TBC1D22A: variants seen among roughly 807,000 people sequenced by gnomAD.
TBC1D22A encodes the protein TBC1 domain family member 22A, also known as putative GTPase activator.
TBC1D22A carries 38 observed loss-of-function variants against 60.2 expected under a neutral mutation model. The ratio of observed to expected loss-of-function variants is 0.63; its 90% confidence interval spans 0.49 to 0.83. The LOEUF is 0.83. Among genes scored for constraint, TBC1D22A ranks in the 40% least tolerant of loss-of-function variants. The probability of loss-of-function intolerance (pLI) is 0.00; values close to 1 mark genes in which losing one functional copy is unlikely to be tolerated. For missense variants in TBC1D22A, 628 were observed against 701.0 expected (o/e 0.90, Z 1.18); for synonymous variants, 302 against 281.7 (o/e 1.07, Z -0.72).
intron 12 of TBC1D22A, among the ~76,000 whole-genome samples, chr22:47,162,778 C>T (rs923588628): frequency 4.9e-4 from 70 of 143,438 alleles, no homozygotes; most frequent in Non-Finnish European, 9.4e-4. Flanking sequence ...ACTGCGGACC[C>T]AGTGCAGGGA....
intron 1 of TBC1D22A, among the ~76,000 whole-genome samples, chr22:46,782,614 C>T (rs1054975068): frequency 6.6e-6 from 1 of 152,220 alleles, no homozygotes; most frequent in Non-Finnish European, 1.5e-5. Flanking sequence ...CAGAGAGCAA[C>T]GCTGTACCTG....
At chr22:46,994,901 T>C (rs1489121861) in intron 9 of TBC1D22A, among the ~76,000 whole-genome samples, 3 of 152,238 alleles carry the variant, frequency 2.0e-5, no homozygotes, top group Non-Finnish European at 2.9e-5. Flanking sequence ...CCAAAGATGA[T>C]GACAGTCAAA....
chr22:47,064,261 T>C (rs7293054), intron 11 of TBC1D22A, among the ~76,000 whole-genome samples: 71,751 of 152,174 alleles, frequency 0.47, 17,621 homozygotes, highest in East Asian at 0.59. Context: ...AACAGGCCAG[T>C]GCAAGCTGCT....
At chr22:47,096,825 A>C (rs2065197497) in intron 11 of TBC1D22A, among the ~76,000 whole-genome samples, 1 of 152,210 alleles carries the variant, frequency 6.6e-6, no homozygotes, top group Non-Finnish European at 1.5e-5. Flanking sequence ...CTGTCTCAAA[A>C]AAAATAAAAA....
At chr22:47,038,334 G>A (rs570363090) in intron 11 of TBC1D22A, among the ~76,000 whole-genome samples, 5 of 152,174 alleles carry the variant, frequency 3.3e-5, no homozygotes, top group Non-Finnish European at 5.9e-5. Flanking sequence ...GCTGGGGGAC[G>A]GACGTTTCTG....
intron 10 of TBC1D22A, among the ~76,000 whole-genome samples, chr22:47,022,411 G>A (rs1158676608): frequency 1.3e-5 from 2 of 152,200 alleles, no homozygotes; most frequent in African/African-American, 4.8e-5. Context: ...GGTGTCAGGA[G>A]GCACCTGCAG....
At chr22:47,075,848 T>C (rs2064183885) in intron 11 of TBC1D22A, among the ~76,000 whole-genome samples, 1 of 151,846 alleles carries the variant, frequency 6.6e-6, no homozygotes, top group Non-Finnish European at 1.5e-5. Context: ...ATTTTATAAA[T>C]GGAAAGAAAT....
At chr22:46,835,740 A>G (rs941665598) in intron 4 of TBC1D22A, among the ~76,000 whole-genome samples, 1 of 152,170 alleles carries the variant, frequency 6.6e-6, no homozygotes, top group South Asian at 2.1e-4. Flanking sequence ...AGCCCATGGG[A>G]CCCCAAACAG....
At chr22:47,159,744 A>G (rs979446138) in intron 12 of TBC1D22A, among the ~76,000 whole-genome samples, 16 of 150,754 alleles carry the variant, frequency 1.1e-4, no homozygotes, top group Admixed American at 2.6e-4. Flanking sequence ...ACCATTCATC[A>G]TGTATACACA....
At chr22:46,862,852 G>C (rs1026304784) in intron 4 of TBC1D22A, among the ~76,000 whole-genome samples, 2 of 152,204 alleles carry the variant, frequency 1.3e-5, no homozygotes, top group Admixed American at 1.3e-4. Flanking sequence ...CAGGACTGGG[G>C]AGCATGGGAG....
At chr22:46,768,439 C>G (rs190147046) in intron 1 of TBC1D22A, among the ~76,000 whole-genome samples, 4 of 141,674 alleles carry the variant, frequency 2.8e-5, no homozygotes, top group African/African-American at 8.0e-5. Context: ...GAGCCAAGGT[C>G]GCGCCACCGC....
At chr22:47,120,008 TATAAA>T (rs1485945957) in intron 12 of TBC1D22A, among the ~76,000 whole-genome samples, 1 of 152,116 alleles carries the variant, frequency 6.6e-6, no homozygotes, top group African/African-American at 2.4e-5. Context: ...TCATCAATAT[TATAAA>T]ATAAAAAATA....
intron 8 of TBC1D22A, among the ~76,000 whole-genome samples, chr22:46,941,863 AAT>A (rs1320766179): frequency 6.8e-6 from 1 of 147,314 alleles, no homozygotes; most frequent in African/African-American, 2.5e-5. Context: ...ATATGTATAG[AAT>A]ATATGTGTAT....
chr22:47,003,002 A>T (rs1057055277), intron 10 of TBC1D22A, among the ~76,000 whole-genome samples: 3 of 152,144 alleles, frequency 2.0e-5, no homozygotes, highest in African/African-American at 7.2e-5. Flanking sequence ...TTCTCCTGCA[A>T]ACTGTGCCTT....
At chr22:47,108,237 A>G (rs2065709363) in intron 11 of TBC1D22A, among the ~76,000 whole-genome samples, 1 of 152,260 alleles carries the variant, frequency 6.6e-6, no homozygotes, top group African/African-American at 2.4e-5. Context: ...ATGTCCATTC[A>G]AAGATGAGTA....
At chr22:46,919,135 C>G (rs1167202758) in intron 8 of TBC1D22A, among the ~76,000 whole-genome samples, 1 of 152,238 alleles carries the variant, frequency 6.6e-6, no homozygotes, top group East Asian at 1.9e-4. Flanking sequence ...ATCCTATACT[C>G]ATTGGCAGTC....
At chr22:46,897,647 TTTGTG>T (rs796073158) in intron 7 of TBC1D22A, among the ~76,000 whole-genome samples, 3,636 of 111,490 alleles carry the variant, frequency 0.033, 161 homozygotes, top group African/African-American at 0.087. Flanking sequence ...TTTGTTTTTT[TTTGTG>T]TTTTTTTTTT....
intron 12 of TBC1D22A, among the ~76,000 whole-genome samples, chr22:47,158,557 G>A (rs1330257410): frequency 1.3e-5 from 2 of 152,088 alleles, no homozygotes; most frequent in African/African-American, 2.4e-5. Flanking sequence ...GCACAGCCCC[G>A]TGGGCAGGCT....
intron 8 of TBC1D22A, among the ~76,000 whole-genome samples, chr22:46,921,752 T>G (rs955796838): frequency 2.2e-5 from 3 of 137,662 alleles, no homozygotes; most frequent in South Asian, 2.2e-4. Flanking sequence ...ACAGCATCTG[T>G]TTTTTTTTTT....
Sources: allele counts gnomAD v4.1 joint callset (sites outside exome capture counted in the v4.1 genomes callset), GRCh38; gene constraint gnomAD v4.1.1; transcripts MANE v1.5; gene names NCBI Gene and HGNC (gene_info 2026-07-23, HGNC 2026-07-21).